Variants in SLC25A16 observed in about 807,000 individuals in gnomAD.
SLC25A16 encodes mitochondrial coenzyme A transporter SLC25A16.
A neutral mutation model predicts 41.5 loss-of-function variants in SLC25A16; 39 were observed. The observed-to-expected ratio is 0.94, with a 90% confidence interval of 0.73 to 1.23. The LOEUF is 1.23. Among genes scored for constraint, SLC25A16 ranks in the 50% most tolerant of loss-of-function variants. The probability of loss-of-function intolerance (pLI) is 0.00; values close to 1 mark genes in which losing one functional copy is unlikely to be tolerated. For missense variants in SLC25A16, 421 were observed against 426.9 expected (o/e 0.99, Z 0.12); for synonymous variants, 146 against 147.8 (o/e 0.99, Z 0.09).
chr10:68,496,780 T>C (rs2052756025), intron 4 of SLC25A16: 4 of 753,492 alleles, frequency 5.3e-6, no homozygotes, highest in Non-Finnish European at 6.5e-6. Context: ...ATGAATTATT[T>C]ATTGTGTTCC....
chr10:68,520,850 G>A (rs887451375), intron 1 of SLC25A16, among the ~76,000 whole-genome samples: 14 of 149,494 alleles, frequency 9.4e-5, no homozygotes, highest in African/African-American at 3.0e-4. Context: ...TTAGCCAGGC[G>A]AAGGGCCAGG....
In SLC25A16 at chr10:68,524,310, C is replaced by CAAA. The variant is rs565308290; in HGVS notation, c.130+2933_130+2935dup. 5.3e-3 allele frequency among the ~76,000 whole-genome samples: 232 copies of CAAA among 44,008 alleles called. 1 individual carries two copies. The highest frequency in any genetic ancestry group is 0.031 in the Middle Eastern group (1 of 32). The allele number at this position is 44,008 out of a possible 152,430, so 28.9% of individuals were successfully genotyped here. ...AGCCTGGGCAACAGAAACTCCATCT[C>CAAA]AAAAAAAAAAAAAAAAAAAAAGAGA... On this transcript the variant is annotated intron_variant, in intron 1 of 8. Coordinates refer to ENST00000609923, the MANE Select transcript of SLC25A16 (RefSeq NM_152707.4).
At chr10:68,514,254 TGA>T (rs918688933) in intron 2 of SLC25A16, among the ~76,000 whole-genome samples, 20 of 152,094 alleles carry the variant, frequency 1.3e-4, no homozygotes, top group African/African-American at 4.8e-4. Context: ...CCCAGCACTT[TGA>T]GAGGCCGAGA....
chr10:68,487,344 G>A (rs41278514), intron 7 of SLC25A16, 132 bp from the exon 8 acceptor site: 33 of 645,030 alleles, frequency 5.1e-5, no homozygotes, highest in African/African-American at 5.0e-4. Context: ...CCTAGGAGTC[G>A]GGATATAGGC....
intron 1 of SLC25A16, chr10:68,517,941 A>AG (rs1359918288): frequency 6.6e-6 from 1 of 151,972 alleles, no homozygotes; most frequent in Non-Finnish European, 1.5e-5. Flanking sequence ...ATTGCACTCT[A>AG]GCCTGGGCGA....
chr10:68,483,225 A>G lies in SLC25A16; in HGVS notation c.*207T>C, dbSNP rs564902165. On this transcript the variant is annotated 3_prime_UTR_variant, in exon 9 of 9. Transcript: ENST00000609923. ...CATCAGCTTAGGAATATTTTCTTCA[A>G]TGTTCTAAGGTATAATGTTTGGCAT... is the stretch of plus-strand genomic sequence containing the variant. The G allele has an allele frequency of 3.8e-5, 15 of 395,958 alleles. No homozygotes were observed. The highest frequency in any genetic ancestry group is 7.5e-5 in the East Asian group (2 of 26,508). The allele number at this position is 395,958 out of a possible 1,614,324, so 24.5% of individuals were successfully genotyped here. A position where few individuals can be genotyped will look rare whatever the true frequency, so the allele number is the denominator to read the frequency against.
At chr10:68,484,748 G>T (rs2052531424) in intron 8 of SLC25A16, among the ~76,000 whole-genome samples, 1 of 152,074 alleles carries the variant, frequency 6.6e-6, no homozygotes, top group Admixed American at 6.6e-5. Flanking sequence ...AATGCTCCCA[G>T]CCCAAAAAAT....
chr10:68,506,973 TATA>T (rs754585815), intron 2 of SLC25A16, among the ~76,000 whole-genome samples: 21 of 151,670 alleles, frequency 1.4e-4, no homozygotes, highest in Non-Finnish European at 2.1e-4. Flanking sequence ...AAATTCTATT[TATA>T]ATAATAGCAA....
chr10:68,485,169 A>T (rs937277758), intron 8 of SLC25A16, among the ~76,000 whole-genome samples: 1 of 152,322 alleles, frequency 6.6e-6, no homozygotes, highest in South Asian at 2.1e-4. Flanking sequence ...GGCTCACTGC[A>T]ACCTCCGTCT....
In SLC25A16 at chr10:68,483,598, A is replaced by G. The variant is rs1473344359; in HGVS notation, c.843-10T>C. The G allele has an allele frequency of 4.4e-6, 7 of 1,575,562 alleles. No individual in the cohort carries two copies. Among genetic ancestry groups the G allele is most frequent in the South Asian group, 1.2e-5 (1 of 83,920 alleles). ...AGTATCCCGCATGGTACTGAAAGAC[A>G]ATGATTAAATGATGACCTCTATGCC... On this transcript the variant is annotated splice_polypyrimidine_tract_variant and intron_variant, in intron 8 of 8. Transcript: ENST00000609923.
intron 6 of SLC25A16, among the ~76,000 whole-genome samples, chr10:68,492,739 A>C (rs1176765942): frequency 6.6e-6 from 1 of 152,212 alleles, no homozygotes; most frequent in Admixed American, 6.6e-5. Context: ...TTAGAGAACT[A>C]TAGGTATCCT....
In SLC25A16 at chr10:68,518,984, G is replaced by A. The variant is rs1374575254; in HGVS notation, c.131-2141C>T. On this transcript the variant is annotated intron_variant, in intron 1 of 8. Coordinates refer to ENST00000609923, the MANE Select transcript of SLC25A16 (RefSeq NM_152707.4). Reference sequence around the variant, plus strand: ...GAGGTGGGCGGATCACCTGAGGTCGGGAGTTTGAGACCAGCCCGACCAACA... The same window carrying A: ...GAGGTGGGCGGATCACCTGAGGTCGAGAGTTTGAGACCAGCCCGACCAACA... Among the ~76,000 whole-genome samples, 23 of 149,890 alleles carry A rather than the reference G, an allele frequency of 1.5e-4. 1 individual carries two copies. The highest frequency in any genetic ancestry group is 4.4e-5 in the Non-Finnish European group (3 of 67,566).
At chr10:68,517,147 C>A in intron 1 of SLC25A16, 13 of 1,043,292 alleles carry the variant, frequency 1.2e-5, no homozygotes, top group Non-Finnish European at 1.5e-5. Flanking sequence ...AGGTATTAAT[C>A]CAACTGCCAG....
chr10:68,517,109 A>C, intron 1 of SLC25A16: 4 of 1,129,626 alleles, frequency 3.5e-6, no homozygotes, highest in Non-Finnish European at 4.3e-6. Context: ...AATCTTGCTA[A>C]AATGTGGTTA....
chr10:68,485,798 AT>A (rs574917604), intron 8 of SLC25A16, among the ~76,000 whole-genome samples: 6,071 of 123,162 alleles, frequency 0.049, 265 homozygotes, highest in South Asian at 0.18. Context: ...CCTAAGCAAT[AT>A]TTTTTTTTTT....
chr10:68,511,427 C>T (rs1404151049), intron 2 of SLC25A16, among the ~76,000 whole-genome samples: 1 of 152,008 alleles, frequency 6.6e-6, no homozygotes, highest in Non-Finnish European at 1.5e-5. Context: ...ACACTGTAAC[C>T]CACGGCATGC....
At chr10:68,525,119 T>A (rs896784785) in intron 1 of SLC25A16, among the ~76,000 whole-genome samples, 1 of 152,022 alleles carries the variant, frequency 6.6e-6, no homozygotes, top group African/African-American at 2.4e-5. Flanking sequence ...CAAATCCTCA[T>A]AATGTGAGGT....
At chr10:68,511,299 G>A (rs1328434670) in intron 2 of SLC25A16, among the ~76,000 whole-genome samples, 1 of 151,986 alleles carries the variant, frequency 6.6e-6, no homozygotes, top group Non-Finnish European at 1.5e-5. Context: ...TTTTTGAGGG[G>A]GCTCGTATAT....
intron 4 of SLC25A16, among the ~76,000 whole-genome samples, chr10:68,502,562 T>C (rs116574198): frequency 0.021 from 3,245 of 151,078 alleles, 119 homozygotes; most frequent in African/African-American, 0.075. Flanking sequence ...AATGCCCGTC[T>C]CTACAGAGAA....
Sources: allele counts gnomAD v4.1 joint callset (sites outside exome capture counted in the v4.1 genomes callset), GRCh38; gene constraint gnomAD v4.1.1; transcripts MANE v1.5; gene names NCBI Gene and HGNC (gene_info 2026-07-23, HGNC 2026-07-21).